FSD1L: variants seen among roughly 807,000 people sequenced by gnomAD.
FSD1L encodes the protein FSD1-like protein.
FSD1L carries 45 observed loss-of-function variants against 71.6 expected under a neutral mutation model. The observed-to-expected ratio is 0.63, with a 90% CI of 0.49 to 0.81. The LOEUF is 0.81. Among genes scored for constraint, FSD1L ranks in the 30% least tolerant of loss-of-function variants. The pLI is 0.00. For synonymous variants in FSD1L, 197 were observed against 207.2 expected (o/e 0.95, Z 0.42); for missense variants, 561 against 618.1 (o/e 0.91, Z 0.98).
chr9:105,522,097 G>C, intron 10 of FSD1L: 1 of 1,613,390 alleles, frequency 6.2e-7, no homozygotes, highest in Non-Finnish European at 8.5e-7. Flanking sequence ...TTGGCAGGTC[G>C]ACTTGCAGGA....
rs1829735071 is a variant in FSD1L at position 105,448,115 on chromosome 9, G to GAA, written c.-106_-105insAA. On this transcript the variant is annotated 5_prime_UTR_variant, in exon 1 of 14. Transcript: ENST00000481272. ...GTGGGGCCGGGCGGTGCCGGTGCGGGCTGGGGCAGTGCAGTGAGTAGCGGT... is the reference window on the plus strand; with the variant it reads ...GTGGGGCCGGGCGGTGCCGGTGCGGGAACTGGGGCAGTGCAGTGAGTAGCGGT... 1 of 1,246,924 alleles carries GAA rather than the reference G, an allele frequency of 8.0e-7. No homozygotes were observed. Among genetic ancestry groups the GAA allele is most frequent in the Non-Finnish European group, 1.1e-6 (1 of 878,942 alleles). 77.2% of individuals were successfully genotyped at this position (1,246,924 alleles called of 1,614,324 possible). A position where few individuals can be genotyped will look rare whatever the true frequency, so the allele number is the denominator to read the frequency against.
intron 10 of FSD1L, chr9:105,522,764 T>A: frequency 6.2e-7 from 1 of 1,609,404 alleles, no homozygotes; most frequent in Non-Finnish European, 8.5e-7. Context: ...ATGTTCCTGA[T>A]CTGATGGATG....
chr9:105,546,590 T>TC lies in FSD1L; in HGVS notation c.*107_*108insC. On this transcript the variant is annotated 3_prime_UTR_variant, in exon 14 of 14. Transcript: ENST00000481272. ...AGTGAAAATCAGGTTTGCTGTGTTC[T>TC]GCTTTGAGGCCTGGAATCTTTTATC... The TC allele has an allele frequency of 9.0e-7, 1 of 1,112,130 alleles. No individual in the cohort carries two copies. Among genetic ancestry groups the TC allele is most frequent in the African/African-American group, 1.6e-5 (1 of 62,698 alleles). 68.9% of individuals were successfully genotyped at this position (1,112,130 alleles called of 1,614,324 possible).
intron 7 of FSD1L, among the ~76,000 whole-genome samples, chr9:105,492,299 G>A (rs1290602648): frequency 6.6e-6 from 1 of 152,136 alleles, no homozygotes; most frequent in Non-Finnish European, 1.5e-5. Flanking sequence ...GGTGTTTGTA[G>A]TATTCTCTGA....
chr9:105,537,677 A>G (rs1344155656), intron 12 of FSD1L, among the ~76,000 whole-genome samples: 2 of 152,090 alleles, frequency 1.3e-5, no homozygotes, highest in African/African-American at 4.8e-5. Context: ...GTCATAAGAT[A>G]ATTGAGTTTT....
chr9:105,488,847 T>C (rs1244298812), intron 7 of FSD1L, among the ~76,000 whole-genome samples: 5 of 150,818 alleles, frequency 3.3e-5, no homozygotes, highest in Non-Finnish European at 5.9e-5. Flanking sequence ...GTACTACTTA[T>C]GTTTTTATTA....
At chr9:105,523,483 C>G in intron 10 of FSD1L, 1 of 1,612,940 alleles carries the variant, frequency 6.2e-7, no homozygotes, top group Non-Finnish European at 8.5e-7. Flanking sequence ...GATGTAAATT[C>G]AATCATGGAT....
intron 8 of FSD1L, among the ~76,000 whole-genome samples, chr9:105,508,174 C>CTT (rs11320443): frequency 4.0e-4 from 40 of 100,460 alleles, no homozygotes; most frequent in Admixed American, 7.4e-4. Context: ...ACATATCACT[C>CTT]TTTTTTTTTT....
chr9:105,459,052 T>C (rs750985797), intron 1 of FSD1L, among the ~76,000 whole-genome samples: 1 of 152,218 alleles, frequency 6.6e-6, no homozygotes, highest in Non-Finnish European at 1.5e-5. Context: ...GAAAACACTT[T>C]TTAAAAACTG....
intron 7 of FSD1L, among the ~76,000 whole-genome samples, chr9:105,488,879 A>G (rs536078475): frequency 6.6e-6 from 1 of 151,272 alleles, no homozygotes; most frequent in South Asian, 2.1e-4. Context: ...AAAGTTGGAA[A>G]TCAAGTTCTT....
At chr9:105,494,681 C>T (rs533686414) in intron 7 of FSD1L, among the ~76,000 whole-genome samples, 63 of 152,148 alleles carry the variant, frequency 4.1e-4, no homozygotes, top group African/African-American at 1.2e-3. Flanking sequence ...GGGTTTTTGG[C>T]GTGGATGTCC....
At chr9:105,485,411 G>A (rs1207190482) in intron 7 of FSD1L, among the ~76,000 whole-genome samples, 1 of 151,916 alleles carries the variant, frequency 6.6e-6, no homozygotes, top group Non-Finnish European at 1.5e-5. Context: ...TTAATCCATT[G>A]TAATGACCTA....
chr9:105,475,467 G>A (rs1263561242), intron 5 of FSD1L, among the ~76,000 whole-genome samples: 7 of 152,178 alleles, frequency 4.6e-5, no homozygotes, highest in Non-Finnish European at 7.3e-5. Context: ...AATAAGAAGA[G>A]GAGTGGGTAG....
chr9:105,527,987 C>T (rs1462470157), intron 10 of FSD1L, among the ~76,000 whole-genome samples: 1 of 152,160 alleles, frequency 6.6e-6, no homozygotes, highest in Non-Finnish European at 1.5e-5. Context: ...CACAAACATT[C>T]CTATACCCCA....
chr9:105,459,836 G>C (rs914978466), intron 1 of FSD1L, among the ~76,000 whole-genome samples: 1 of 152,202 alleles, frequency 6.6e-6, no homozygotes, highest in African/African-American at 2.4e-5. Context: ...TTGTAGCCAA[G>C]GCTCTGAAGC....
intron 10 of FSD1L, chr9:105,524,701 G>A (rs553918138): frequency 6.9e-5 from 111 of 1,613,898 alleles, no homozygotes; most frequent in African/African-American, 1.3e-4. Flanking sequence ...GACTCAGAAC[G>A]ATCTTCTAAA....
At chr9:105,530,449 A>G (rs1251875423) in intron 10 of FSD1L, 2 of 550,930 alleles carry the variant, frequency 3.6e-6, no homozygotes, top group Non-Finnish European at 6.4e-6. Context: ...GCCAATGTCA[A>G]TAGTTATGTC....
rs1374210739 is a variant in FSD1L at position 105,551,404 on chromosome 9, C to T, written c.*4921C>T. 1 of 151,878 alleles carries T rather than the reference C, an allele frequency of 6.6e-6. No individual in the cohort carries two copies. The highest frequency in any genetic ancestry group is 1.5e-5 in the Non-Finnish European group (1 of 67,956). The allele number at this position is 151,878 out of a possible 1,614,324, so 9.4% of individuals were successfully genotyped here. Reference sequence around the variant, plus strand: ...ATCATCTTTGGGTCTCTATTGCCTTCTTTATAAAATAAGTGTAAGTTGTTC... The same window carrying T: ...ATCATCTTTGGGTCTCTATTGCCTTTTTTATAAAATAAGTGTAAGTTGTTC... On this transcript the variant is annotated 3_prime_UTR_variant, in exon 14 of 14. Coordinates refer to ENST00000481272, the MANE Select transcript of FSD1L (RefSeq NM_001145313.3).
chr9:105,473,184 G>C (rs1471201713), intron 5 of FSD1L: 2 of 152,162 alleles, frequency 1.3e-5, no homozygotes, highest in African/African-American at 4.8e-5. Context: ...ATGTGCACCT[G>C]TAGTCCCAGC....
Sources: gnomAD v4.1 joint callset for allele counts (sites outside exome capture counted in the v4.1 genomes callset) on GRCh38, gnomAD v4.1.1 for gene constraint, MANE v1.5 for transcripts, NCBI Gene and HGNC (gene_info 2026-07-23, HGNC 2026-07-21) for gene names.